BOC: variants seen among roughly 807,000 people sequenced by gnomAD.
The protein encoded by BOC is BOC cell adhesion associated, oncogene regulated.
Under a neutral mutation model 112.0 loss-of-function variants are expected in BOC, and 76 were observed. The observed-to-expected ratio is 0.68, with a 90% confidence interval of 0.56 to 0.82. The LOEUF (loss-of-function observed/expected upper bound fraction) is 0.82, where lower values mean the gene tolerates loss of function less well. BOC is among the 40% of genes least tolerant of loss of function. The pLI is 0.00. For synonymous variants in BOC, 580 were observed against 599.8 expected, an observed-to-expected ratio of 0.97 and a Z score of 0.48; for missense variants, 1,309 against 1,511.7, an observed-to-expected ratio of 0.87 and a Z score of 2.22.
intron 4 of BOC, among the ~76,000 whole-genome samples, chr3:113,266,774 A>G (rs888957565): frequency 1.3e-5 from 2 of 152,220 alleles, no homozygotes; most frequent in African/African-American, 4.8e-5. Flanking sequence ...TCATAGTCTA[A>G]TATTGTAATC....
chr3:113,246,084 A>G (rs1242470250), intron 2 of BOC, among the ~76,000 whole-genome samples: 1 of 152,228 alleles, frequency 6.6e-6, no homozygotes, highest in East Asian at 1.9e-4. Flanking sequence ...TCTTAACCCC[A>G]GAGTGTGTTT....
rs1948824685 is a variant in BOC at position 113,278,004 on chromosome 3, T to C, written c.1543-91T>C. Reference sequence around the variant, plus strand: ...TATCGTCCTTCCCCTTCTCCTGCCCTCTTGGGCTCAGCGCTGCTTTCTTTG... The same window carrying C: ...TATCGTCCTTCCCCTTCTCCTGCCCCCTTGGGCTCAGCGCTGCTTTCTTTG... On this transcript the variant is annotated intron_variant, in intron 9 of 19. Transcript: ENST00000682979. This position sits in a 1 kb window ranked among gnomAD's most constrained non-coding sequence, Gnocchi z 4.2. The C allele has an allele frequency of 2.0e-6, 3 of 1,505,566 alleles. No homozygotes were observed. The highest frequency in any genetic ancestry group is 1.8e-6 in the Non-Finnish European group (2 of 1,099,454). 93.3% of individuals were successfully genotyped at this position (1,505,566 alleles called of 1,614,324 possible).
chr3:113,239,899 G>A (rs1944065830), intron 2 of BOC, among the ~76,000 whole-genome samples: 1 of 152,116 alleles, frequency 6.6e-6, no homozygotes, highest in East Asian at 1.9e-4. Context: ...AGAAATTGCA[G>A]GGAAGCTTCC....
intron 19 of BOC, 102 bp from the exon 20 acceptor site, chr3:113,286,573 G>T: frequency 9.1e-7 from 1 of 1,099,794 alleles, no homozygotes; most frequent in Non-Finnish European, 1.3e-6. Context: ...TCCAGAGCCA[G>T]TGTAACCACC....
At chr3:113,215,649 G>A (rs1322925480) in intron 1 of BOC, among the ~76,000 whole-genome samples, 2 of 152,178 alleles carry the variant, frequency 1.3e-5, no homozygotes, top group African/African-American at 4.8e-5. Context: ...TTCTCCATGA[G>A]TCCTATAATC....
At chr3:113,262,092 T>C (rs1001241076) in intron 4 of BOC, 1 of 152,180 alleles carries the variant, frequency 6.6e-6, no homozygotes, top group Non-Finnish European at 1.5e-5. Context: ...GTTTCCATGG[T>C]TGTCAGGAGA....
At chr3:113,224,580 G>A (rs1449526165) in intron 2 of BOC, among the ~76,000 whole-genome samples, 1 of 151,838 alleles carries the variant, frequency 6.6e-6, no homozygotes, top group African/African-American at 2.4e-5. Context: ...GGGGGTGGGG[G>A]GTCACGTGGA....
Position 113,278,868 on chromosome 3 carries a change from C to A in BOC, c.1816+85C>A. On this transcript the variant is annotated intron_variant, in intron 11 of 19. Coordinates refer to ENST00000682979, the MANE Select transcript of BOC (RefSeq NM_001378074.1). The surrounding 1 kb of genome is among the most constrained non-coding windows in gnomAD (Gnocchi z 4.2). Reference sequence around the variant, plus strand: ...GTTCCCATGGCTGAATGGGGTCTTGCTTCTGTAGGTCCAGGGTTTTTATGA... The same window carrying A: ...GTTCCCATGGCTGAATGGGGTCTTGATTCTGTAGGTCCAGGGTTTTTATGA... 2 of 1,170,268 alleles carry A rather than the reference C, an allele frequency of 1.7e-6. No homozygotes were observed. The highest frequency in any genetic ancestry group is 2.5e-6 in the Non-Finnish European group (2 of 812,312). The allele number at this position is 1,170,268 out of a possible 1,614,324, so 72.5% of individuals were successfully genotyped here.
At chr3:113,280,769 G>A (rs2107724579) in intron 14 of BOC, 106 bp downstream of exon 14, 2 of 973,260 alleles carry the variant, frequency 2.1e-6, no homozygotes, top group South Asian at 2.8e-5. Context: ...CCTGCATCTG[G>A]TGTGACACGA....
intron 2 of BOC, among the ~76,000 whole-genome samples, chr3:113,228,117 C>T (rs1378094745): frequency 1.3e-5 from 2 of 152,172 alleles, no homozygotes; most frequent in Non-Finnish European, 2.9e-5. Context: ...TTGAATTTTA[C>T]CTTTGGATTC....
intron 4 of BOC, among the ~76,000 whole-genome samples, chr3:113,254,502 C>T (rs531459381): frequency 6.6e-6 from 1 of 152,320 alleles, no homozygotes; most frequent in East Asian, 1.9e-4. Flanking sequence ...TCTGAAAGCA[C>T]ATTCCTGAGC....
chr3:113,257,344 C>A (rs59388346), intron 4 of BOC, among the ~76,000 whole-genome samples: 4,855 of 152,248 alleles, frequency 0.032, 264 homozygotes, highest in African/African-American at 0.11. Flanking sequence ...ACCCTGTTGC[C>A]CCAGCCCCTA....
chr3:113,252,965 A>G (rs1266909856), intron 4 of BOC, among the ~76,000 whole-genome samples: 1 of 152,168 alleles, frequency 6.6e-6, no homozygotes, highest in Non-Finnish European at 1.5e-5. Flanking sequence ...CATCACGTCA[A>G]GAAGGGCTGA....
chr3:113,282,677 A>C (rs1331206544), intron 15 of BOC, among the ~76,000 whole-genome samples: 1 of 151,978 alleles, frequency 6.6e-6, no homozygotes, highest in African/African-American at 2.4e-5. Context: ...CTAGGTGAGA[A>C]TATACAGAGA....
chr3:113,284,848 C>G lies in BOC; in HGVS notation c.2956C>G (p.Gln986Glu). 6.2e-7 allele frequency: 1 copy of G among 1,614,142 alleles called. No individual in the cohort carries two copies. Among genetic ancestry groups the G allele is most frequent in the South Asian group, 1.1e-5 (1 of 91,088 alleles). ...CAATGGATATGACCCCCAAAGTCACCAGATCACGAGGTAACCAGGCCTCTC... is the reference window on the plus strand; with the variant it reads ...CAATGGATATGACCCCCAAAGTCACGAGATCACGAGGTAACCAGGCCTCTC... ...LGNGYDPQSH[Q>E]ITRGPKSSPD... Residue 986 changes from glutamine to glutamate, a missense_variant, in exon 18 of 20, where the codon CAG becomes GAG. Transcript: ENST00000682979.
intron 2 of BOC, among the ~76,000 whole-genome samples, chr3:113,236,320 A>ATATATATATATATATATATATACCC (rs1553726986): frequency 1.1e-5 from 1 of 93,898 alleles, no homozygotes; most frequent in Non-Finnish European, 2.7e-5. Context: ...ATACCCATGG[A>ATATATATATATATATATATATACCC]ATACTGCTCA....
chr3:113,218,897 G>A (rs1394888227), intron 2 of BOC, among the ~76,000 whole-genome samples: 2 of 152,176 alleles, frequency 1.3e-5, no homozygotes, highest in East Asian at 1.9e-4. Flanking sequence ...GAAGGGGGGT[G>A]GGGGAGCTCA....
At chr3:113,273,391 C>T (rs772662226) in intron 8 of BOC, 50 bp downstream of exon 8, 1 of 1,516,836 alleles carries the variant, frequency 6.6e-7, no homozygotes, top group Non-Finnish European at 8.9e-7. Context: ...TCACTGAATC[C>T]TTTTCTCAAA....
intron 2 of BOC, among the ~76,000 whole-genome samples, chr3:113,222,095 A>C (rs1940790796): frequency 6.6e-6 from 1 of 151,890 alleles, no homozygotes; most frequent in East Asian, 1.9e-4. Context: ...TCCCACCATC[A>C]TTCTCTCTCC....
Sources: allele counts gnomAD v4.1 joint callset (sites outside exome capture counted in the v4.1 genomes callset), GRCh38; gene constraint gnomAD v4.1.1; non-coding constraint Gnocchi (gnomAD v3.1); transcripts MANE v1.5; gene names NCBI Gene and HGNC (gene_info 2026-07-23, HGNC 2026-07-21).